Variants in LIAS observed in about 807,000 individuals in gnomAD.
LIAS encodes lipoic acid synthetase, also known as lipoyl synthase, mitochondrial.
Under a neutral mutation model 49.4 loss-of-function variants are expected in LIAS, and 36 were observed. The observed-to-expected ratio is 0.73, with a 90% CI of 0.56 to 0.96. The LOEUF (loss-of-function observed/expected upper bound fraction) is 0.96, where lower values mean the gene tolerates loss of function less well. Among genes scored for constraint, LIAS ranks in the 40% least tolerant of loss-of-function variants. The probability of loss-of-function intolerance (pLI) is 0.00; values close to 1 mark genes in which losing one functional copy is unlikely to be tolerated. For missense variants in LIAS, 399 were observed against 456.3 expected (o/e 0.87, Z 1.14); for synonymous variants, 145 against 155.8 (o/e 0.93, Z 0.52).
At chr4:39,461,106 T>A in intron 2 of LIAS, 144 bp downstream of exon 2, 1 of 673,150 alleles carries the variant, frequency 1.5e-6, no homozygotes, top group Non-Finnish European at 2.4e-6. Context: ...ATAACAGAAC[T>A]AGATAGAACA....
chr4:39,462,344 T>TTA, intron 3 of LIAS, 55 bp downstream of exon 3: 1 of 690,730 alleles, frequency 1.4e-6, no homozygotes, highest in Non-Finnish European at 2.2e-6. Flanking sequence ...GTTTCTACGT[T>TTA]TATATAACTT....
At chr4:39,461,028 C>A in intron 2 of LIAS, 66 bp downstream of exon 2, 1 of 1,333,688 alleles carries the variant, frequency 7.5e-7, no homozygotes, top group African/African-American at 1.5e-5. Flanking sequence ...TCAGATATAA[C>A]CAAGCCCTAG....
At chr4:39,463,669 C>T in intron 4 of LIAS, 64 bp downstream of exon 4, 2 of 1,522,534 alleles carry the variant, frequency 1.3e-6, no homozygotes, top group South Asian at 1.3e-5. Flanking sequence ...TTTGTGTCTT[C>T]CTCCTAAAAA....
rs1321810151 is a variant in LIAS, at chr4:39,459,181, G to T, written c.45+19G>T. On this transcript the variant is annotated intron_variant, in intron 1 of 10. Transcript: ENST00000640888. ...GCCCCGGGTGAGCGGCGGGGCGAAC[G>T]GGTTTGGGCGTGGGGTGGGGGGATC... The T allele has an allele frequency of 6.2e-7, 1 of 1,609,720 alleles. No individual in the cohort carries two copies. The highest frequency in any genetic ancestry group is 8.5e-7 in the Non-Finnish European group (1 of 1,179,214).
chr4:39,473,219 A>T lies in LIAS; in HGVS notation c.1066+8A>T, dbSNP rs1745059428. On this transcript the variant is annotated splice_region_variant and intron_variant, in intron 10 of 10. Transcript: ENST00000640888. Reference sequence around the variant, plus strand: ...GTTCTTCATATAAAGCAGGTAAGTTAGATTGTGGGGCATGGTTTCATTTAG... The same window carrying T: ...GTTCTTCATATAAAGCAGGTAAGTTTGATTGTGGGGCATGGTTTCATTTAG... 6.5e-7 allele frequency: 1 copy of T among 1,528,458 alleles called. No homozygotes were observed. The highest frequency in any genetic ancestry group is 1.4e-5 in the African/African-American group (1 of 73,246). 94.7% of individuals were successfully genotyped at this position (1,528,458 alleles called of 1,614,324 possible).
rs768600011 is a variant in LIAS, at chr4:39,477,055, C to T, written c.1067-8C>T. ...TGATATTAATGTGTTTTCCTTTTTC[C>T]TAAATAGGTGAATTTTTCCTGAAAA... On this transcript the variant is annotated splice_polypyrimidine_tract_variant and splice_region_variant and intron_variant, in intron 10 of 10. Transcript: ENST00000640888. 7 of 1,558,068 alleles carry T rather than the reference C, an allele frequency of 4.5e-6. No individual in the cohort carries two copies. Among genetic ancestry groups the T allele is most frequent in the Non-Finnish European group, 6.1e-6 (7 of 1,141,776 alleles).
At position 39,477,189 on chromosome 4, in the gene LIAS, A is replaced by T; in HGVS notation, c.*74A>T. 8.4e-7 allele frequency: 1 copy of T among 1,189,424 alleles called. No individual in the cohort carries two copies. The highest frequency in any genetic ancestry group is 1.2e-6 in the Non-Finnish European group (1 of 820,268). 73.7% of individuals were successfully genotyped at this position (1,189,424 alleles called of 1,614,324 possible). The stretch of plus-strand genomic sequence containing the variant: ...CAGTTAATAACAGAGGTGGTGCCAG[A>T]ATGCCTGGACTGCAGTGGATGTGCC... On this transcript the variant is annotated 3_prime_UTR_variant, in exon 11 of 11. Transcript: ENST00000640888.
intron 6 of LIAS, 63 bp downstream of exon 6, chr4:39,465,405 G>A (rs906847851): frequency 3.7e-6 from 5 of 1,364,858 alleles, no homozygotes; most frequent in Non-Finnish European, 5.0e-6. Context: ...TTAAGTTTAA[G>A]TTCATTACCT....
rs771363108 is a variant in LIAS, at chr4:39,459,174, G to A, written c.45+12G>A. 7 of 1,611,814 alleles carry A rather than the reference G, an allele frequency of 4.3e-6. No homozygotes were observed. The highest frequency in any genetic ancestry group is 3.3e-5 in the Admixed American group (2 of 59,966). On this transcript the variant is annotated intron_variant, in intron 1 of 10. Coordinates refer to ENST00000640888, the MANE Select transcript of LIAS (RefSeq NM_006859.4). ...CCCTGGGGCCCCGGGTGAGCGGCGG[G>A]GCGAACGGGTTTGGGCGTGGGGTGG...
Position 39,473,090 on chromosome 4 carries a change from T to G in LIAS, c.955-10T>G. 1 of 1,448,586 alleles carries G rather than the reference T, an allele frequency of 6.9e-7. No individual in the cohort carries two copies. Among genetic ancestry groups the G allele is most frequent in the Non-Finnish European group, 9.7e-7 (1 of 1,029,496 alleles). 89.7% of individuals were successfully genotyped at this position (1,448,586 alleles called of 1,614,324 possible). A position where few individuals can be genotyped will look rare whatever the true frequency, so the allele number is the denominator to read the frequency against. ...CTAAAATCTGATCAGAAGTAATTATTTAAATCTAGGTTGAAGAATATATTA... is the reference window on the plus strand; with the variant it reads ...CTAAAATCTGATCAGAAGTAATTATGTAAATCTAGGTTGAAGAATATATTA... On this transcript the variant is annotated splice_polypyrimidine_tract_variant and intron_variant, in intron 9 of 10. Transcript: ENST00000640888.
chr4:39,470,416 C>T (rs1744938835), intron 8 of LIAS: 3 of 336,096 alleles, frequency 8.9e-6, no homozygotes, highest in Admixed American at 4.4e-5. Context: ...ATTTATATCC[C>T]ATTTTATTCC....
chr4:39,464,996 C>T lies in LIAS; in HGVS notation c.394-50C>T, dbSNP rs756880554. On this transcript the variant is annotated intron_variant, in intron 4 of 10. Coordinates refer to ENST00000640888, the MANE Select transcript of LIAS (RefSeq NM_006859.4). ...TGCTTTATTCTCTCAACATTATGTC[C>T]TTAAGGGTCATCTGTCTATTTCATT... 4.0e-6 allele frequency: 6 copies of T among 1,490,584 alleles called. No homozygotes were observed. In the East Asian group the frequency reaches 1.4e-4, roughly 34 times the overall value. The allele number at this position is 1,490,584 out of a possible 1,614,324, so 92.3% of individuals were successfully genotyped here. A position where few individuals can be genotyped will look rare whatever the true frequency, so the allele number is the denominator to read the frequency against.
At chr4:39,471,166 C>G in intron 8 of LIAS, 70 bp from the exon 9 acceptor site, 1 of 1,181,180 alleles carries the variant, frequency 8.5e-7, no homozygotes, top group Non-Finnish European at 1.3e-6. Context: ...TTAAATATTC[C>G]TTAGGAAAAT....
chr4:39,460,942 A>G lies in LIAS; in HGVS notation c.198A>G (p.Leu66=), dbSNP rs750722814. The stretch of plus-strand genomic sequence containing the variant: ...CCTGGGATGAATATAAAGGAAACCT[A>G]AAACGCCAGAAAGGAGAAAGGTAAT... The part of the protein sequence containing the change: ...RSTWDEYKGN[L]KRQKGERLRL... The change falls in exon 2 of 11, where the codon CTA becomes CTG. Residue 66 remains leucine, a synonymous_variant. Transcript: ENST00000640888. 1.3e-6 allele frequency: 2 copies of G among 1,594,438 alleles called. No homozygotes were observed. Among genetic ancestry groups the G allele is most frequent in the Non-Finnish European group, 1.7e-6 (2 of 1,173,550 alleles).
chr4:39,467,488 CTGTT>C, intron 6 of LIAS, 26 bp from the exon 7 acceptor site: 5 of 1,548,670 alleles, frequency 3.2e-6, no homozygotes, highest in African/African-American at 1.4e-5. Context: ...TTCTTTCTCT[CTGTT>C]TGATAATTCT....
intron 2 of LIAS, among the ~76,000 whole-genome samples, chr4:39,461,392 T>C (rs535719180): frequency 6.6e-6 from 1 of 152,362 alleles, no homozygotes; most frequent in Non-Finnish European, 1.5e-5. Flanking sequence ...AACTTAATCC[T>C]GCTCCTTCTA....
rs539841597 is a variant in LIAS at position 39,460,802 on chromosome 4, T to C, written c.58T>C (p.Tyr20His). 2 of 1,575,166 alleles carry C rather than the reference T, an allele frequency of 1.3e-6. No homozygotes were observed. The highest frequency in any genetic ancestry group is 4.0e-5 in the Admixed American group (2 of 50,454). The change falls in exon 2 of 11, where the codon TAT becomes CAT. Residue 20 changes from tyrosine to histidine, a missense_variant. Physicochemically the swap from Tyr to His is moderately conservative, Grantham distance 83 (BLOSUM62 2). Coordinates refer to ENST00000640888, the MANE Select transcript of LIAS (RefSeq NM_006859.4). ...ACTCTTTCTTTAGGTATTTGGGAGA[T>C]ATTTTTGCAGCCCAGTCAGACCGTT... ...RTLGPRVFGR[Y>H]FCSPVRPLSS...
intron 3 of LIAS, among the ~76,000 whole-genome samples, chr4:39,462,891 G>A (rs2109871577): frequency 1.3e-5 from 2 of 152,332 alleles, no homozygotes; most frequent in Middle Eastern, 3.4e-3. Context: ...GAAGTCTGAG[G>A]CTGGAGAATC....
At chr4:39,463,763 A>C (rs751231365) in intron 4 of LIAS, 158 bp downstream of exon 4, 43 of 1,318,604 alleles carry the variant, frequency 3.3e-5, no homozygotes, top group Non-Finnish European at 4.0e-5. Flanking sequence ...GGAATAATCC[A>C]ACCTGTTGTA....
Sources: gnomAD v4.1 joint callset for allele counts (sites outside exome capture counted in the v4.1 genomes callset) on GRCh38, gnomAD v4.1.1 for gene constraint, MANE v1.5 for transcripts, NCBI Gene and HGNC (gene_info 2026-07-23, HGNC 2026-07-21) for gene names.